Variants in GOLGA6L9 observed in about 807,000 individuals in gnomAD.
GOLGA6L9 encodes golgin A6 family like 9.
In GOLGA6L9, 19 loss-of-function variants were observed where a neutral mutation model predicts 51.3. That is an observed-to-expected ratio of 0.37 (90% CI 0.26 to 0.54). GOLGA6L9 has a LOEUF of 0.54. Ranked by LOEUF, GOLGA6L9 falls within the 20% of genes least tolerant of loss-of-function variation. GOLGA6L9 has a pLI of 0.83. For synonymous variants in GOLGA6L9, 97 were observed against 184.2 expected, an observed-to-expected ratio of 0.53 and a Z score of 3.83; for missense variants, 247 against 464.1, an observed-to-expected ratio of 0.53 and a Z score of 4.30.
At chr15:82,429,348 T>G (rs2031315570), upstream of GOLGA6L9, among the ~76,000 whole-genome samples, 1 of 152,182 alleles carries the variant, frequency 6.6e-6, no homozygotes, top group Admixed American at 6.5e-5. Context: ...GTGATGGCAT[T>G]ACAGGGGTGA....
At position 82,429,925 on chromosome 15, in the gene GOLGA6L9, T is replaced by A; in HGVS notation, c.-155T>A. ...GCGCCTGGCCACGCCTCCTTTCCCT[T>A]TCATCTTTCTCACTGACCAATGGGC... On this transcript the variant is annotated 5_prime_UTR_variant, in exon 1 of 9. Coordinates refer to ENST00000618348, the MANE Select transcript of GOLGA6L9 (RefSeq NM_198181.4). 1.1e-6 allele frequency: 1 copy of A among 945,186 alleles called. No homozygotes were observed. The highest frequency in any genetic ancestry group is 1.7e-6 in the Non-Finnish European group (1 of 578,322). The allele number at this position is 945,186 out of a possible 1,614,324, so 58.5% of individuals were successfully genotyped here.
At chr15:82,430,225 G>A (rs1318205782) in intron 1 of GOLGA6L9, 62 bp downstream of exon 1, 6 of 500,384 alleles carry the variant, frequency 1.2e-5, no homozygotes, top group Admixed American at 1.0e-4. Context: ...GACAAGACCG[G>A]TGCCAGAGTC....
At chr15:82,433,295 G>A (rs1399864146) in intron 4 of GOLGA6L9, among the ~76,000 whole-genome samples, 1 of 151,924 alleles carries the variant, frequency 6.6e-6, no homozygotes, top group African/African-American at 2.4e-5. Context: ...AGTATCAAAG[G>A]TCTCGGTTAG....
chr15:82,424,015 T>C, the GOLGA6L9 span, among the ~76,000 whole-genome samples: 1 of 141,168 alleles, frequency 7.1e-6, no homozygotes, highest in Non-Finnish European at 1.6e-5. Context: ...AATTTTCAAC[T>C]CTTTCTGAAA....
chr15:82,436,401 CCAT>C lies in GOLGA6L9; in HGVS notation c.1294_1296del (p.Ile432del), dbSNP rs2031673866. 6.3e-7 allele frequency: 1 copy of C among 1,593,372 alleles called. No homozygotes were observed. On this transcript the variant is annotated inframe_deletion, in exon 9 of 9. Coordinates refer to ENST00000618348, the MANE Select transcript of GOLGA6L9 (RefSeq NM_198181.4). ...GCCGAGAACAGGGAGCTAAACATCA[CCAT>C]CATCTAAGAGCGGGTCAAGAAATTG... is the stretch of plus-strand genomic sequence containing the variant.
the GOLGA6L9 span, among the ~76,000 whole-genome samples, chr15:82,421,803 CAAAA>C: frequency 3.4e-4 from 1 of 2,952 alleles, no homozygotes; most frequent in Non-Finnish European, 4.9e-4. Context: ...CCAACACCAC[CAAAA>C]AAAAAAAAAA....
intron 5 of GOLGA6L9, 148 bp from the exon 6 acceptor site, chr15:82,433,886 A>G (rs2031528434): frequency 8.6e-7 from 1 of 1,158,448 alleles, no homozygotes; most frequent in African/African-American, 2.0e-5. Flanking sequence ...AGTGACTTGG[A>G]AGATTGTCTA....
At position 82,434,372 on chromosome 15, in the gene GOLGA6L9, C is replaced by T. The variant is rs1471957939; in HGVS notation, c.772C>T (p.Gln258Ter). The change falls in exon 6 of 9, where the codon CAG becomes TAG. Residue 258 changes from glutamine to a stop codon, truncating the protein, a stop_gained. Coordinates refer to ENST00000618348, the MANE Select transcript of GOLGA6L9 (RefSeq NM_198181.4). LOFTEE classifies it high-confidence loss of function. ...LLEEVEKLLEQERRQEEQERL... is the reference protein window; with the variant it reads ...LLEEVEKLLE ...GGAAGAGGTGGAGAAGCTGTTAGAA[C>T]AGGAGAGGCGGCAGGAGGAGCAGGA... 17 of 1,522,796 alleles carry T rather than the reference C, an allele frequency of 1.1e-5. No homozygotes were observed. Among genetic ancestry groups the T allele is most frequent in the Non-Finnish European group, 1.3e-5 (15 of 1,136,182 alleles). The allele number at this position is 1,522,796 out of a possible 1,614,324, so 94.3% of individuals were successfully genotyped here.
the GOLGA6L9 span, among the ~76,000 whole-genome samples, chr15:82,424,451 C>A: frequency 6.6e-5 from 10 of 152,110 alleles, no homozygotes; most frequent in Non-Finnish European, 1.5e-5. Context: ...CAAGCAGAGA[C>A]CAGTAGGTGC....
At position 82,434,220 on chromosome 15, in the gene GOLGA6L9, G is replaced by A. The variant is rs2031552739; in HGVS notation, c.620G>A (p.Arg207Lys). 4 of 1,561,376 alleles carry A rather than the reference G, an allele frequency of 2.6e-6. No homozygotes were observed. The highest frequency in any genetic ancestry group is 3.4e-6 in the Non-Finnish European group (4 of 1,160,828). The change falls in exon 6 of 9, where the codon AGG becomes AAG. Residue 207 changes from arginine to lysine, a missense_variant. By Grantham distance (26) the Arg-to-Lys change is conservative. Transcript: ENST00000618348. ...QEERLREQEERLREQEERLCE... is the reference protein window; with the variant it reads ...QEERLREQEEKLREQEERLCE... ...GAGAGGCTACGTGAACAGGAGGAGAGGCTACGTGAACAGGAGGAGAGGCTG... is the reference window on the plus strand; with the variant it reads ...GAGAGGCTACGTGAACAGGAGGAGAAGCTACGTGAACAGGAGGAGAGGCTG...
rs2031756786 is a variant in GOLGA6L9 at position 82,437,813 on chromosome 15, T to A, written c.*1402T>A. 6.6e-6 allele frequency: 1 copy of A among 151,236 alleles called. No individual in the cohort carries two copies. The highest frequency in any genetic ancestry group is 2.4e-5 in the African/African-American group (1 of 40,914). 9.4% of individuals were successfully genotyped at this position (151,236 alleles called of 1,614,324 possible). A position where few individuals can be genotyped will look rare whatever the true frequency, so the allele number is the denominator to read the frequency against. The stretch of plus-strand genomic sequence containing the variant: ...AACGTTTACAAACTGCAGCACAATC[T>A]ACTGTTCGTGAATGTCAAAGTGTCA... On this transcript the variant is annotated 3_prime_UTR_variant, in exon 9 of 9. Transcript: ENST00000618348.
upstream of GOLGA6L9, among the ~76,000 whole-genome samples, chr15:82,429,796 C>A (rs2031340715): frequency 1.3e-5 from 2 of 152,088 alleles, no homozygotes; most frequent in Non-Finnish European, 2.9e-5. Flanking sequence ...CCAGCCCCTC[C>A]CCTCTCCCAG....
At chr15:82,428,899 A>G (rs2031287826), upstream of GOLGA6L9, among the ~76,000 whole-genome samples, 1 of 145,968 alleles carries the variant, frequency 6.9e-6, no homozygotes, top group Non-Finnish European at 1.5e-5. Flanking sequence ...CTTGGTTTTC[A>G]TGATTGCAAG....
chr15:82,417,532 G>C, the GOLGA6L9 span, among the ~76,000 whole-genome samples: 1 of 152,186 alleles, frequency 6.6e-6, no homozygotes, highest in African/African-American at 2.4e-5. Context: ...ACAAACATTT[G>C]CATAGGTATT....
chr15:82,420,233 A>G, the GOLGA6L9 span, among the ~76,000 whole-genome samples: 3 of 152,364 alleles, frequency 2.0e-5, no homozygotes, highest in East Asian at 3.9e-4. Flanking sequence ...ATATAGAAGT[A>G]TAAGAAAATT....
rs1215433938 is a variant in GOLGA6L9, at chr15:82,436,964, A to G, written c.*553A>G. 2.5e-5 allele frequency: 4 copies of G among 158,978 alleles called. No homozygotes were observed. The highest frequency in any genetic ancestry group is 3.6e-4 in the South Asian group (2 of 5,618). 9.8% of individuals were successfully genotyped at this position (158,978 alleles called of 1,614,324 possible). On this transcript the variant is annotated 3_prime_UTR_variant, in exon 9 of 9. Transcript: ENST00000618348. ...TCACAGTGAGCTCTTCATTAGCTCA[A>G]TATGTGGTTTGCCCTCTGGAAACAG...
chr15:82,429,793 C>T (rs1290702557), upstream of GOLGA6L9, among the ~76,000 whole-genome samples: 1,048 of 152,280 alleles, frequency 6.9e-3, 3 homozygotes, highest in Non-Finnish European at 0.012. Flanking sequence ...AAGCCAGCCC[C>T]TCCCCTCTCC....
At chr15:82,418,388 G>A in the GOLGA6L9 span, among the ~76,000 whole-genome samples, 3 of 152,184 alleles carry the variant, frequency 2.0e-5, no homozygotes, top group African/African-American at 4.8e-5. Context: ...GGACAGAACC[G>A]TTTGTGGTGG....
chr15:82,429,481 T>A (rs1393704438), upstream of GOLGA6L9, among the ~76,000 whole-genome samples: 1 of 152,138 alleles, frequency 6.6e-6, no homozygotes, highest in Non-Finnish European at 1.5e-5. Context: ...AAAAGAGAAA[T>A]TGTTGTGATT....
Sources: gnomAD v4.1 joint callset for allele counts (sites outside exome capture counted in the v4.1 genomes callset) on GRCh38, gnomAD v4.1.1 for gene constraint, MANE v1.5 for transcripts, NCBI Gene and HGNC (gene_info 2026-07-23, HGNC 2026-07-21) for gene names.